Variants in LRSAM1 observed in about 807,000 individuals in gnomAD.
LRSAM1 encodes the protein leucine rich repeat and sterile alpha motif containing 1.
A neutral mutation model predicts 118.1 loss-of-function variants in LRSAM1; 96 were observed. The ratio of observed to expected loss-of-function variants is 0.81; its 90% CI spans 0.69 to 0.96. The LOEUF (loss-of-function observed/expected upper bound fraction) is 0.96, where lower values mean the gene tolerates loss of function less well. LRSAM1 is among the 40% of genes least tolerant of loss of function. LRSAM1 has a pLI of 0.00. For synonymous variants in LRSAM1, 322 were observed against 364.2 expected, an observed-to-expected ratio of 0.88 and a Z score of 1.32; for missense variants, 804 against 915.5, an observed-to-expected ratio of 0.88 and a Z score of 1.57.
At chr9:127,456,978 G>A (rs1046662475) in intron 5 of LRSAM1, among the ~76,000 whole-genome samples, 1 of 152,166 alleles carries the variant, frequency 6.6e-6, no homozygotes, top group Non-Finnish European at 1.5e-5. Flanking sequence ...CATCATGGCA[G>A]CCCTGGGAGG....
intron 23 of LRSAM1, 73 bp from the exon 24 acceptor site, chr9:127,497,180 T>G: frequency 6.8e-7 from 1 of 1,478,148 alleles, no homozygotes; most frequent in Non-Finnish European, 9.4e-7. Flanking sequence ...AGCCTGGGCC[T>G]GTGCCACGTG....
chr9:127,456,084 G>C (rs1166931374), intron 5 of LRSAM1, among the ~76,000 whole-genome samples: 1 of 147,860 alleles, frequency 6.8e-6, no homozygotes, highest in Non-Finnish European at 1.5e-5. Flanking sequence ...GGGAGTGAAT[G>C]ATTTTTCAGC....
chr9:127,461,983 GTTC>G (rs1834765192), intron 8 of LRSAM1, among the ~76,000 whole-genome samples: 1 of 152,210 alleles, frequency 6.6e-6, no homozygotes, highest in East Asian at 1.9e-4. Flanking sequence ...ATCTCCCCGT[GTTC>G]TTATAAGGCT....
Position 127,465,521 on chromosome 9 carries a change from T to C in LRSAM1, c.529-2219T>C, listed in dbSNP as rs1472223067. 6.6e-6 allele frequency among the ~76,000 whole-genome samples: 1 copy of C among 152,232 alleles called. No homozygotes were observed. The highest frequency in any genetic ancestry group is 1.5e-5 in the Non-Finnish European group (1 of 68,026). ...CTAAGAGCACCCATGTGGGGTTCAT[T>C]TGCTTCCAGGTATGGGGTTTTCTGC... is the stretch of plus-strand genomic sequence containing the variant. On this transcript the variant is annotated intron_variant, in intron 9 of 25. Coordinates refer to ENST00000300417, the MANE Select transcript of LRSAM1 (RefSeq NM_001005373.4). The surrounding 1 kb of genome is among the most constrained non-coding windows in gnomAD (Gnocchi z 4.1).
chr9:127,499,055 C>A (rs1385479151), intron 24 of LRSAM1, among the ~76,000 whole-genome samples: 62 of 134,242 alleles, frequency 4.6e-4, no homozygotes, highest in Admixed American at 7.7e-4. Context: ...AACTCTGTCT[C>A]AAAAAAAAAA....
intron 9 of LRSAM1, among the ~76,000 whole-genome samples, chr9:127,466,493 TATATATATATA>T (rs1421590709): frequency 0.01 from 182 of 18,040 alleles, 2 homozygotes; most frequent in African/African-American, 0.03. Flanking sequence ...TATATATATA[TATATATATATA>T]TTTTTTTTTT....
At chr9:127,494,231 T>A (rs1200334888) in intron 21 of LRSAM1, among the ~76,000 whole-genome samples, 3 of 152,202 alleles carry the variant, frequency 2.0e-5, no homozygotes, top group African/African-American at 7.2e-5. Context: ...AAGGGAGCAG[T>A]GGGCGTGGCC....
Position 127,461,141 on chromosome 9 carries a change from A to G in LRSAM1, c.322-32A>G, listed in dbSNP as rs1049760747. The G allele has an allele frequency of 3.2e-6, 5 of 1,579,956 alleles. No homozygotes were observed. In the African/African-American group the frequency reaches 5.4e-5, roughly 17 times the overall value. On this transcript the variant is annotated intron_variant, in intron 7 of 25. Coordinates refer to ENST00000300417, the MANE Select transcript of LRSAM1 (RefSeq NM_001005373.4). The stretch of plus-strand genomic sequence containing the variant: ...AGTGCTGGGATTACAGGCATAAGCC[A>G]CTGCGCCTGGCTGCCTCTTCCTCTT...
intron 21 of LRSAM1, among the ~76,000 whole-genome samples, chr9:127,493,816 A>C (rs1836021819): frequency 6.6e-6 from 1 of 152,188 alleles, no homozygotes; most frequent in Non-Finnish European, 1.5e-5. Flanking sequence ...ATGAGGACAG[A>C]GGCCAGGCTC....
At position 127,452,135 on chromosome 9, in the gene LRSAM1, C is replaced by T. The variant is rs3808831; in HGVS notation, c.-33+51C>T. On this transcript the variant is annotated intron_variant, in intron 2 of 25. Coordinates refer to ENST00000300417, the MANE Select transcript of LRSAM1 (RefSeq NM_001005373.4). ...GGAAATATGGGTGTGGCCCTCCCCCCGCATCTAGGCTGGACGTCGGAGAGG... is the reference window on the plus strand; with the variant it reads ...GGAAATATGGGTGTGGCCCTCCCCCTGCATCTAGGCTGGACGTCGGAGAGG... The T allele has an allele frequency of 0.1, 15,975 of 152,300 alleles. 1,342 individuals are homozygous for T. The highest frequency in any genetic ancestry group is 0.27 in the Admixed American group (4,196 of 15,294). 9.4% of individuals were successfully genotyped at this position (152,300 alleles called of 1,614,324 possible).
In LRSAM1 at chr9:127,486,178, T is replaced by C. The variant is rs112460990; in HGVS notation, c.1259+343T>C. Among the ~76,000 whole-genome samples, 365 of 152,348 alleles carry C rather than the reference T, an allele frequency of 2.4e-3. 2 individuals carry two copies. The highest frequency in any genetic ancestry group is 8.4e-3 in the African/African-American group (348 of 41,582). ...AATCGCAACTCAGGTTCTGAGAAAC[T>C]GTATAACGCACCCAAGGAAGCAAGC... On this transcript the variant is annotated intron_variant, in intron 17 of 25. Coordinates refer to ENST00000300417, the MANE Select transcript of LRSAM1 (RefSeq NM_001005373.4).
At chr9:127,494,911 C>G (rs1836066314) in intron 21 of LRSAM1, among the ~76,000 whole-genome samples, 1 of 152,166 alleles carries the variant, frequency 6.6e-6, no homozygotes, top group Admixed American at 6.6e-5. Context: ...GCTGTCCACC[C>G]GCTCAGAGGA....
intron 16 of LRSAM1, among the ~76,000 whole-genome samples, chr9:127,484,725 T>C (rs1291304780): frequency 6.6e-6 from 1 of 152,108 alleles, no homozygotes; most frequent in Non-Finnish European, 1.5e-5. Context: ...TTGACTCTTA[T>C]GAATAATGCT....
chr9:127,462,837 G>A (rs1266346034), intron 9 of LRSAM1, among the ~76,000 whole-genome samples: 3 of 150,508 alleles, frequency 2.0e-5, no homozygotes, highest in Admixed American at 2.0e-4. Flanking sequence ...CTTAAAAGTT[G>A]CAGAAGAAAA....
At chr9:127,484,632 A>C (rs555690877) in intron 16 of LRSAM1, among the ~76,000 whole-genome samples, 1 of 150,812 alleles carries the variant, frequency 6.6e-6, no homozygotes, top group African/African-American at 2.4e-5. Flanking sequence ...AAGTGCTTAT[A>C]TTACAGGTGA....
chr9:127,481,062 C>T (rs1422989677), intron 14 of LRSAM1, 121 bp from the exon 15 acceptor site: 14 of 984,792 alleles, frequency 1.4e-5, no homozygotes, highest in Non-Finnish European at 2.2e-5. Flanking sequence ...CCCAGAGCTT[C>T]AAGGTGGTGG....
intron 10 of LRSAM1, among the ~76,000 whole-genome samples, chr9:127,471,923 G>A (rs1006931280): frequency 2.7e-5 from 4 of 149,660 alleles, no homozygotes; most frequent in Admixed American, 1.3e-4. Flanking sequence ...TCGGCCTCCC[G>A]AAGCGCTGGC....
chr9:127,467,850 T>A lies in LRSAM1; in HGVS notation c.619+20T>A. The A allele has an allele frequency of 6.4e-7, 1 of 1,559,590 alleles. No individual in the cohort carries two copies. On this transcript the variant is annotated intron_variant, in intron 10 of 25. Transcript: ENST00000300417. ...GCAAAGGTAAAGCCAGGCCGCTGCC[T>A]CCTCCCCTCATTGAGGAACTATGAC...
At chr9:127,451,501 G>A, upstream of LRSAM1, 2 of 699,818 alleles carry the variant, frequency 2.9e-6, no homozygotes, top group Non-Finnish European at 4.7e-6. Flanking sequence ...CGCCCTTGTC[G>A]CCATGTTTGT....
Sources: allele counts gnomAD v4.1 joint callset (sites outside exome capture counted in the v4.1 genomes callset), GRCh38; gene constraint gnomAD v4.1.1; non-coding constraint Gnocchi (gnomAD v3.1); transcripts MANE v1.5; gene names NCBI Gene and HGNC (gene_info 2026-07-23, HGNC 2026-07-21).